The following PFKFB2 variants were observed in gnomAD, a reference collection of about 807,000 sequenced individuals.
The protein encoded by PFKFB2 is 6-phosphofructo-2-kinase/fructose-2,6-bisphosphatase 2.
Under a neutral mutation model 68.0 loss-of-function variants are expected in PFKFB2, and 53 were observed. The ratio of observed to expected loss-of-function variants is 0.78; its 90% CI spans 0.63 to 0.98. The LOEUF (loss-of-function observed/expected upper bound fraction) is 0.98. Ranked by LOEUF, PFKFB2 falls within the 50% of genes least tolerant of loss-of-function variation. The pLI is 0.00. For missense variants in PFKFB2, 451 were observed against 642.0 expected, an observed-to-expected ratio of 0.70 and a Z score of 3.22; for synonymous variants, 222 against 227.6, an observed-to-expected ratio of 0.98 and a Z score of 0.22.
At chr1:207,067,821 A>T in intron 9 of PFKFB2, 115 bp downstream of exon 9, 1 of 894,438 alleles carries the variant, frequency 1.1e-6, no homozygotes, top group South Asian at 1.6e-5. Context: ...CTGTGGTTTC[A>T]TAGTCAGGCA....
Position 207,073,335 on chromosome 1 carries a change from CT to C in PFKFB2, c.*967del. ...TCTTTTCTCCCATGACTCTCAGGTT[CT>C]TTGCCAATCACAGCAACTTTTCCTG... On this transcript the variant is annotated 3_prime_UTR_variant, in exon 15 of 15. Coordinates refer to ENST00000367080, the MANE Select transcript of PFKFB2 (RefSeq NM_006212.2). 4.1e-6 allele frequency: 4 copies of C among 985,434 alleles called. No homozygotes were observed. The highest frequency in any genetic ancestry group is 4.8e-6 in the Non-Finnish European group (4 of 829,936). The allele number at this position is 985,434 out of a possible 1,614,324, so 61.0% of individuals were successfully genotyped here.
upstream of PFKFB2, chr1:207,048,392 T>C (rs1355597419): frequency 6.5e-6 from 1 of 153,590 alleles, no homozygotes; most frequent in Non-Finnish European, 1.5e-5. Context: ...TAAGCACACA[T>C]TTATAATGTC....
intron 9 of PFKFB2, 68 bp from the exon 10 acceptor site, chr1:207,068,095 A>AGTGTGTGGGT: frequency 2.7e-6 from 3 of 1,093,578 alleles, no homozygotes; most frequent in Non-Finnish European, 3.9e-6. Flanking sequence ...GTGTGTGTTG[A>AGTGTGTGGGT]GTGTGTGTGT....
intron 1 of PFKFB2, chr1:207,035,243 C>T (rs949105429): frequency 3.1e-6 from 3 of 981,808 alleles, no homozygotes; most frequent in Non-Finnish European, 3.6e-6. Flanking sequence ...TTTATGATTT[C>T]CTTTCTCAGT....
intron 2 of PFKFB2, chr1:207,055,040 G>A (rs543695450): frequency 4.5e-6 from 2 of 440,700 alleles, no homozygotes; most frequent in Non-Finnish European, 8.3e-6. Context: ...TTCTTAAACT[G>A]AATCTCTGTC....
At chr1:207,049,518 T>G (rs1213440533), upstream of PFKFB2, 1 of 1,614,200 alleles carries the variant, frequency 6.2e-7, no homozygotes, top group Non-Finnish European at 8.5e-7. Flanking sequence ...CTATGAGGCG[T>G]CTCATCTCAG....
In PFKFB2 at chr1:207,073,160, C is replaced by G. The variant is rs1683519366; in HGVS notation, c.*789C>G. ...GAAACAGTTCTAAGTCTTCGATGCC[C>G]TGGGAGAATCTGGCTCTGAGCATGT... On this transcript the variant is annotated 3_prime_UTR_variant, in exon 15 of 15. Transcript: ENST00000367080. 2 of 985,498 alleles carry G rather than the reference C, an allele frequency of 2.0e-6. No homozygotes were observed. Among genetic ancestry groups the G allele is most frequent in the Non-Finnish European group, 1.2e-6 (1 of 829,982 alleles). The allele number at this position is 985,498 out of a possible 1,614,324, so 61.0% of individuals were successfully genotyped here.
intron 2 of PFKFB2, among the ~76,000 whole-genome samples, chr1:207,058,006 G>A (rs1471740271): frequency 6.6e-6 from 1 of 152,204 alleles, no homozygotes; most frequent in Non-Finnish European, 1.5e-5. Context: ...AGACACATTG[G>A]AAATGTTCAT....
chr1:207,069,602 T>C (rs1683406732), intron 11 of PFKFB2, 74 bp downstream of exon 11: 1 of 984,100 alleles, frequency 1.0e-6, no homozygotes, highest in Middle Eastern at 2.1e-4. Context: ...GGGGGAAGGA[T>C]TGAATGTGAT....
Position 207,063,218 on chromosome 1 carries a change from T to G in PFKFB2, c.375+9T>G. 1 of 1,612,138 alleles carries G rather than the reference T, an allele frequency of 6.2e-7. No homozygotes were observed. Among genetic ancestry groups the G allele is most frequent in the Middle Eastern group, 1.7e-4 (1 of 6,060 alleles). Reference sequence around the variant, plus strand: ...AGAATGGTCAGATTGCGGTAAGCTTTATCTGCTGCTTCTTCTTTCTGGTCC... The same window carrying G: ...AGAATGGTCAGATTGCGGTAAGCTTGATCTGCTGCTTCTTCTTTCTGGTCC... On this transcript the variant is annotated intron_variant, in intron 5 of 14. Transcript: ENST00000367080. The surrounding 1 kb of genome is among the most constrained non-coding windows in gnomAD (Gnocchi z 4.1).
intron 2 of PFKFB2, among the ~76,000 whole-genome samples, chr1:207,057,830 A>G (rs992085812): frequency 1.3e-5 from 2 of 152,130 alleles, no homozygotes; most frequent in Non-Finnish European, 2.9e-5. Flanking sequence ...ATAAATGCAG[A>G]TTTACCTCAT....
At position 207,067,698 on chromosome 1, in the gene PFKFB2, G is replaced by T; in HGVS notation, c.832G>T (p.Gly278Ter). Residue 278 changes from glycine to a stop codon, truncating the protein, a stop_gained, in exon 9 of 15, where the codon GGA becomes TGA. Coordinates refer to ENST00000367080, the MANE Select transcript of PFKFB2 (RefSeq NM_006212.2). LOFTEE classifies it high-confidence loss of function. The stretch of plus-strand genomic sequence containing the variant: ...GGGTGACTCTGGCCTCTCGGTGCGG[G>T]GAAAGCAGGTGAGTAATTATTCAGC... ...IGGDSGLSVR[G>*]KQFAQALRKF... 6.2e-7 allele frequency: 1 copy of T among 1,612,792 alleles called. No individual in the cohort carries two copies.
At chr1:207,054,887 G>T (rs757430870) in intron 2 of PFKFB2, 85 bp downstream of exon 2, 14 of 891,050 alleles carry the variant, frequency 1.6e-5, no homozygotes, top group Non-Finnish European at 2.3e-5. Context: ...CTGCTGCTTG[G>T]TGGGAGTGAT....
At chr1:207,071,089 G>T in intron 12 of PFKFB2, 99 bp from the exon 13 acceptor site, 1 of 974,632 alleles carries the variant, frequency 1.0e-6, no homozygotes, top group South Asian at 1.4e-5. Context: ...GTCAAAGTAA[G>T]GGAAACTCAT....
At chr1:207,050,944 G>A (rs959425750), upstream of PFKFB2, 23 of 1,576,322 alleles carry the variant, frequency 1.5e-5, no homozygotes, top group Middle Eastern at 1.7e-4. Context: ...GGCCAGCTTT[G>A]GTCCCGGCAG....
intron 1 of PFKFB2, among the ~76,000 whole-genome samples, chr1:207,040,233 C>T (rs1013033300): frequency 4.6e-5 from 7 of 152,212 alleles, no homozygotes; most frequent in African/African-American, 1.7e-4. Flanking sequence ...TCAGCAGCAA[C>T]TCCAAACAAC....
upstream of PFKFB2, chr1:207,049,798 A>G: frequency 1.4e-6 from 2 of 1,392,446 alleles, no homozygotes; most frequent in Non-Finnish European, 1.9e-6. Flanking sequence ...CCAAGTCTGT[A>G]AATTACAAAC....
upstream of PFKFB2, chr1:207,050,918 G>A (rs776024148): frequency 5.6e-6 from 9 of 1,598,472 alleles, 1 homozygote; most frequent in Middle Eastern, 5.0e-4. Flanking sequence ...GCTGCCCACA[G>A]GCCAGGCACC....
Position 207,065,071 on chromosome 1 carries a change from G to A in PFKFB2, c.543G>A (p.Arg181=), listed in dbSNP as rs770374061. Residue 181 remains arginine (R), a synonymous_variant, in exon 8 of 15, where the codon AGG becomes AGA. Transcript: ENST00000367080. ...VKVSSPDYPE[R]NRENVMEDFL... ...TATCAAGCCCTGACTATCCTGAAAGGAACAGAGAGAACGTGATGGAGGACT... is the reference window on the plus strand; with the variant it reads ...TATCAAGCCCTGACTATCCTGAAAGAAACAGAGAGAACGTGATGGAGGACT... 10 of 1,614,070 alleles carry A rather than the reference G, an allele frequency of 6.2e-6. No individual in the cohort carries two copies. Among genetic ancestry groups the A allele is most frequent in the Non-Finnish European group, 4.2e-6 (5 of 1,179,974 alleles).
Sources: gnomAD v4.1 joint callset for allele counts (sites outside exome capture counted in the v4.1 genomes callset) on GRCh38, gnomAD v4.1.1 for gene constraint, Gnocchi (gnomAD v3.1) non-coding constraint, MANE v1.5 for transcripts, NCBI Gene and HGNC (gene_info 2026-07-23, HGNC 2026-07-21) for gene names.